Variants in AMBRA1 observed in about 807,000 individuals in gnomAD.
AMBRA1 encodes the protein activating molecule in BECN1-regulated autophagy protein 1.
In AMBRA1, 47 loss-of-function variants were observed where a neutral mutation model predicts 125.4. The observed-to-expected ratio is 0.37, with a 90% confidence interval of 0.30 to 0.48. The LOEUF (loss-of-function observed/expected upper bound fraction) is 0.48, where lower values mean the gene tolerates loss of function less well. Among genes scored for constraint, AMBRA1 ranks in the 20% least tolerant of loss-of-function variants. AMBRA1 has a pLI of 0.99. For synonymous variants in AMBRA1, 626 were observed against 655.5 expected (o/e 0.95, Z 0.69); for missense variants, 1,331 against 1,693.4 (o/e 0.79, Z 3.76).
chr11:46,515,620 G>T (rs912161454), intron 7 of AMBRA1, among the ~76,000 whole-genome samples: 6 of 152,228 alleles, frequency 3.9e-5, no homozygotes, highest in African/African-American at 1.4e-4. Flanking sequence ...ATGCTGTAAA[G>T]GAGATTCCTG....
At chr11:46,422,587 A>G (rs1156607977) in intron 14 of AMBRA1, among the ~76,000 whole-genome samples, 1 of 152,078 alleles carries the variant, frequency 6.6e-6, no homozygotes, top group African/African-American at 2.4e-5. Context: ...AATGAGAGGG[A>G]GCCAGGAGGT....
At chr11:46,493,317 A>T (rs962684447) in intron 11 of AMBRA1, among the ~76,000 whole-genome samples, 1 of 152,220 alleles carries the variant, frequency 6.6e-6, no homozygotes, top group Non-Finnish European at 1.5e-5. Flanking sequence ...ATTCAATTAA[A>T]AGCATAGCTA....
At position 46,542,238 on chromosome 11, in the gene AMBRA1, AGAG is replaced by A. The variant is rs1480826398; in HGVS notation, c.1776_1778del (p.Ser593del). The A allele has an allele frequency of 2.3e-5, 37 of 1,614,000 alleles. No homozygotes were observed. Among genetic ancestry groups the A allele is most frequent in the Non-Finnish European group, 2.7e-5 (32 of 1,180,016 alleles). On this transcript the variant is annotated inframe_deletion, in exon 7 of 18. Coordinates refer to ENST00000683756, the MANE Select transcript of AMBRA1 (RefSeq NM_001387011.1). The surrounding 1 kb of genome is among the most constrained non-coding windows in gnomAD (Gnocchi z 5.9). ...CCTGCCAAGAGGAACTAGCCTCGCC[AGAG>A]GAGTAGTTAGGTGTGGTTCTTTCCC... is the stretch of plus-strand genomic sequence containing the variant.
At chr11:46,547,708 T>C in intron 3 of AMBRA1, 109 bp downstream of exon 3, 1 of 1,079,874 alleles carries the variant, frequency 9.3e-7, no homozygotes, top group Non-Finnish European at 1.4e-6. Flanking sequence ...GTGCTGTTCA[T>C]ACAGTACTTC....
At chr11:46,452,687 G>A (rs1948668967) in intron 11 of AMBRA1, among the ~76,000 whole-genome samples, 1 of 152,072 alleles carries the variant, frequency 6.6e-6, no homozygotes, top group Admixed American at 6.5e-5. Flanking sequence ...CCTAAGAAAG[G>A]GGTATAACTA....
intron 1 of AMBRA1, among the ~76,000 whole-genome samples, chr11:46,582,110 CAA>C (rs753222142): frequency 8.8e-4 from 70 of 79,662 alleles, no homozygotes; most frequent in Admixed American, 1.0e-3. Context: ...GACCCTGTCT[CAA>C]AAAAAAAAAA....
At position 46,435,023 on chromosome 11, in the gene AMBRA1, G is replaced by A. The variant is rs2136714806; in HGVS notation, c.2647C>T (p.Leu883=). 1 of 1,608,136 alleles carries A rather than the reference G, an allele frequency of 6.2e-7. No individual in the cohort carries two copies. The highest frequency in any genetic ancestry group is 1.1e-5 in the South Asian group (1 of 90,132). ...PEISNASVNV[L]VQNCKIYNDA... Reference sequence around the variant, plus strand: ...TTGTAGATCTTGCAGTTCTGCACCAGCACATTCACGGAAGCTGCATCAGAC... The same window carrying A: ...TTGTAGATCTTGCAGTTCTGCACCAACACATTCACGGAAGCTGCATCAGAC... The change falls in exon 13 of 18, where the codon CTG becomes TTG. Residue 883 remains leucine (L), a synonymous_variant. Coordinates refer to ENST00000683756, the MANE Select transcript of AMBRA1 (RefSeq NM_001387011.1).
chr11:46,591,563 AACC>A (rs2044594373), intron 1 of AMBRA1: 1 of 152,276 alleles, frequency 6.6e-6, no homozygotes, highest in African/African-American at 2.4e-5. Context: ...GCACCCTTAA[AACC>A]ACTCTCTTAG....
chr11:46,525,968 G>T (rs547203066), intron 7 of AMBRA1, among the ~76,000 whole-genome samples: 53 of 152,178 alleles, frequency 3.5e-4, no homozygotes, highest in African/African-American at 1.3e-3. Context: ...CACTTTGGGA[G>T]GTCAAGGCGG....
chr11:46,428,349 T>C (rs762416639), intron 14 of AMBRA1, among the ~76,000 whole-genome samples: 6 of 152,198 alleles, frequency 3.9e-5, no homozygotes, highest in Non-Finnish European at 5.9e-5. Context: ...CCCTTAGGTA[T>C]TGGAGGCTTT....
chr11:46,479,634 T>G (rs1192995587), intron 11 of AMBRA1, among the ~76,000 whole-genome samples: 1 of 151,558 alleles, frequency 6.6e-6, no homozygotes, highest in East Asian at 1.9e-4. Context: ...GAGGCGGAGG[T>G]TGCAGTGAGC....
At chr11:46,484,960 A>G (rs186550611) in intron 11 of AMBRA1, among the ~76,000 whole-genome samples, 514 of 143,444 alleles carry the variant, frequency 3.6e-3, no homozygotes, top group African/African-American at 0.012. Flanking sequence ...TTTTTAAGAC[A>G]AAATCTCACT....
chr11:46,492,214 C>T (rs1950489637), intron 11 of AMBRA1, among the ~76,000 whole-genome samples: 1 of 152,202 alleles, frequency 6.6e-6, no homozygotes, highest in African/African-American at 2.4e-5. Context: ...CCTGCCAGGC[C>T]AGAGCCTATG....
intron 1 of AMBRA1, among the ~76,000 whole-genome samples, chr11:46,569,737 G>GTGAAATC (rs2043687652): frequency 6.6e-6 from 1 of 151,900 alleles, no homozygotes. Context: ...GGCCAACATG[G>GTGAAATC]CTAGTCATGT....
At chr11:46,540,422 T>C (rs1591066704) in intron 7 of AMBRA1, among the ~76,000 whole-genome samples, 1 of 152,208 alleles carries the variant, frequency 6.6e-6, no homozygotes, top group African/African-American at 2.4e-5. Flanking sequence ...CTCGGGCTCC[T>C]GATGAAGACC....
At chr11:46,507,044 G>A (rs1951062086) in intron 9 of AMBRA1, among the ~76,000 whole-genome samples, 1 of 149,978 alleles carries the variant, frequency 6.7e-6, no homozygotes, top group Admixed American at 6.6e-5. Flanking sequence ...GGGCGTGGTG[G>A]CAGGCGCCTG....
In AMBRA1 at chr11:46,445,869, T is replaced by C. The variant is rs552004219; in HGVS notation, c.2522-2271A>G. ...TGCTAAGAGAGGGTAGAAAATAAAT[T>C]GAAAAAACAAACTTCATATTTTAAG... On this transcript the variant is annotated intron_variant, in intron 11 of 17. Transcript: ENST00000683756. 8.5e-5 allele frequency among the ~76,000 whole-genome samples: 13 copies of C among 152,270 alleles called. No homozygotes were observed. The South Asian group carries it at 2.7e-3, about 32-fold the overall frequency.
chr11:46,463,557 TA>T (rs1472480023), intron 11 of AMBRA1, among the ~76,000 whole-genome samples: 1 of 152,198 alleles, frequency 6.6e-6, no homozygotes, highest in Non-Finnish European at 1.5e-5. Context: ...TGCACTTAAC[TA>T]AAGAGTACCT....
At chr11:46,431,656 G>A (rs1947461058) in intron 14 of AMBRA1, among the ~76,000 whole-genome samples, 2 of 152,198 alleles carry the variant, frequency 1.3e-5, no homozygotes, top group South Asian at 4.1e-4. Flanking sequence ...TGATTTAAAC[G>A]ATTATTCCAC....
Sources: gnomAD v4.1 joint callset for allele counts (sites outside exome capture counted in the v4.1 genomes callset) on GRCh38, gnomAD v4.1.1 for gene constraint, Gnocchi (gnomAD v3.1) non-coding constraint, MANE v1.5 for transcripts, NCBI Gene and HGNC (gene_info 2026-07-23, HGNC 2026-07-21) for gene names.